The following DMD variants were observed in gnomAD, a reference collection of about 807,000 sequenced individuals.
The protein encoded by DMD is mutant dystrophin.
Under a neutral mutation model 330.1 loss-of-function variants are expected in DMD, and 63 were observed. That is an observed-to-expected ratio of 0.19 (90% CI 0.16 to 0.24). DMD has a LOEUF of 0.24. DMD is among the 10% of genes least tolerant of loss of function. DMD has a pLI of 1.00. For synonymous variants in DMD, 1,223 were observed against 959.8 expected, an observed-to-expected ratio of 1.27 and a Z score of -5.07; for missense variants, 3,344 against 2,684.1, an observed-to-expected ratio of 1.25 and a Z score of -5.43.
At position 33,046,501 on chromosome X, in the gene DMD, A is replaced by G. The variant is rs1044823437; in HGVS notation, c.32-26301T>C. On this transcript the variant is annotated intron_variant, in intron 1 of 78. Transcript: ENST00000357033. ...TAGTCCATAACAGGTTTCAAATCTTATAACAACTATTAATACTATCAACAT... is the reference window on the plus strand; with the variant it reads ...TAGTCCATAACAGGTTTCAAATCTTGTAACAACTATTAATACTATCAACAT... Among the ~76,000 whole-genome samples, 11 of 112,015 alleles carry G rather than the reference A, an allele frequency of 9.8e-5. No individual in the cohort carries two copies. The East Asian group carries it at 1.1e-3, about 11-fold the overall frequency.
Position 32,573,814 on chromosome X carries a change from T to C in DMD, c.1635A>G (p.Arg545=), listed in dbSNP as rs5927083. Residue 545 remains arginine (R), a synonymous_variant, in exon 14 of 79, where the codon AGA becomes AGG. Coordinates refer to ENST00000357033, the MANE Select transcript of DMD (RefSeq NM_004006.3). ...VLGDRWANIC[R]WTEDRWVLLQ... ...AAAGAACCCAGCGGTCTTCTGTCCA[T>C]CTACAGATGTTTGCCCATCGATCTC... is the stretch of plus-strand genomic sequence containing the variant. 0.12 allele frequency: 146,750 copies of C among 1,208,966 alleles called. 6,324 individuals carry two copies. Among genetic ancestry groups the C allele is most frequent in the Middle Eastern group, 0.18 (764 of 4,354 alleles).
In DMD at chrX:32,362,909, C is replaced by A. The variant is rs757412063; in HGVS notation, c.5204G>T (p.Arg1735Leu). 3.3e-6 allele frequency: 4 copies of A among 1,208,795 alleles called. No individual in the cohort carries two copies. In the East Asian group the frequency reaches 8.9e-5, roughly 27 times the overall value. ...TGCCATCAAGTTTGCTGCTTGGTCA[C>A]GTGTAGAGTCCACCTTTGGGCGTAT... Reference protein sequence around the residue: ...NDIRPKVDSTRDQAANLMANR... With the variant: ...NDIRPKVDSTLDQAANLMANR... Residue 1735 changes from arginine to leucine, a missense_variant, in exon 37 of 79, where the codon CGT becomes CTT. Transcript: ENST00000357033.
intron 48 of DMD, among the ~76,000 whole-genome samples, chrX:31,857,477 G>C (rs1603501804): frequency 9.7e-6 from 1 of 103,111 alleles, no homozygotes; most frequent in Non-Finnish European, 2.0e-5. Flanking sequence ...ATTTTAAGCT[G>C]TTTAATGTTC....
intron 43 of DMD, among the ~76,000 whole-genome samples, chrX:32,277,104 G>A (rs2097393071): frequency 9.0e-6 from 1 of 111,629 alleles, no homozygotes; most frequent in Non-Finnish European, 1.9e-5. Context: ...GATATTCCAT[G>A]CCAATGGAAA....
intron 7 of DMD, among the ~76,000 whole-genome samples, chrX:32,715,823 T>C (rs2065662770): frequency 9.0e-6 from 1 of 110,810 alleles, no homozygotes; most frequent in Non-Finnish European, 1.9e-5. Flanking sequence ...GATCTTCTTA[T>C]TTGCCACAGG....
At chrX:33,029,223 C>G (rs111379175) in intron 1 of DMD, among the ~76,000 whole-genome samples, 2,366 of 111,729 alleles carry the variant, frequency 0.021, 35 homozygotes, top group East Asian at 0.097. Flanking sequence ...AGACATAAAA[C>G]TAACTTTCAA....
chrX:32,828,760 TAAG>T (rs1254539469), intron 4 of DMD, among the ~76,000 whole-genome samples: 1 of 111,134 alleles, frequency 9.0e-6, no homozygotes, highest in Non-Finnish European at 1.9e-5. Context: ...CCAGAATGTA[TAAG>T]AATAGGCTCT....
At chrX:32,802,391 G>A (rs1244746002) in intron 7 of DMD, among the ~76,000 whole-genome samples, 1 of 111,828 alleles carries the variant, frequency 8.9e-6, no homozygotes, top group Non-Finnish European at 1.9e-5. Context: ...TCAGCTTAAG[G>A]AGATTTTCGG....
chrX:32,576,986 G>A (rs1381768105), intron 13 of DMD, among the ~76,000 whole-genome samples: 2 of 111,525 alleles, frequency 1.8e-5, no homozygotes, highest in Middle Eastern at 4.7e-3. Flanking sequence ...AAGAGAAGAT[G>A]TTACAGGCTC....
intron 11 of DMD, among the ~76,000 whole-genome samples, chrX:32,636,509 G>A (rs1242456799): frequency 1.8e-5 from 2 of 111,910 alleles, no homozygotes; most frequent in Non-Finnish European, 3.8e-5. Flanking sequence ...TGAGAAAATC[G>A]AAAATGTGTC....
In DMD at chrX:32,573,593, G is replaced by A. The variant is rs775846754; in HGVS notation, c.1749C>T (p.Asn583=). Reference sequence around the variant, plus strand: ...CTTTAAAGCCAGTTGTGTGAATCTTGTTCACTGCATCTTCTTTTTCTGAAA... The same window carrying A: ...CTTTAAAGCCAGTTGTGTGAATCTTATTCACTGCATCTTCTTTTTCTGAAA... ...AWLSEKEDAV[N]KIHTTGFKDQ... is the part of the protein sequence containing the mutation. Residue 583 remains asparagine (N), a synonymous_variant, in exon 15 of 79, where the codon AAC becomes AAT. Coordinates refer to ENST00000357033, the MANE Select transcript of DMD (RefSeq NM_004006.3). The A allele has an allele frequency of 8.3e-7, 1 of 1,210,115 alleles. No homozygotes were observed. Among genetic ancestry groups the A allele is most frequent in the African/African-American group, 1.7e-5 (1 of 57,312 alleles).
intron 51 of DMD, among the ~76,000 whole-genome samples, chrX:31,734,715 C>T (rs772951304): frequency 2.7e-5 from 3 of 110,543 alleles, no homozygotes; most frequent in Non-Finnish European, 5.7e-5. Context: ...AGAAAACAAA[C>T]GAGTAGTGAT....
At chrX:31,180,179 A>G (rs1420877989) in intron 69 of DMD, among the ~76,000 whole-genome samples, 191 bp downstream of exon 69, 1 of 111,775 alleles carries the variant, frequency 8.9e-6, no homozygotes, top group Non-Finnish European at 1.9e-5. Flanking sequence ...ATCATGTTCC[A>G]TATGTGCCAG....
At chrX:31,433,986 A>T (rs1259057230) in intron 60 of DMD, among the ~76,000 whole-genome samples, 2 of 111,964 alleles carry the variant, frequency 1.8e-5, no homozygotes, top group Non-Finnish European at 3.8e-5. Flanking sequence ...TATGAAAGAC[A>T]CTGCCAAATG....
chrX:31,313,166 TAA>T (rs755202886), intron 62 of DMD, among the ~76,000 whole-genome samples: 4 of 97,284 alleles, frequency 4.1e-5, no homozygotes, highest in African/African-American at 3.7e-5. Context: ...TTTTAAAAAT[TAA>T]AAAAAAAAAA....
At chrX:32,351,836 A>G (rs2097782719) in intron 37 of DMD, among the ~76,000 whole-genome samples, 2 of 110,376 alleles carry the variant, frequency 1.8e-5, no homozygotes, top group African/African-American at 6.5e-5. Context: ...TGATACCACC[A>G]GGTAAACACA....
intron 7 of DMD, among the ~76,000 whole-genome samples, chrX:32,795,035 T>C (rs1397510756): frequency 8.9e-6 from 1 of 112,201 alleles, no homozygotes; most frequent in African/African-American, 3.2e-5. Flanking sequence ...AGTCATCCCA[T>C]GTTTATCGGT....
intron 60 of DMD, among the ~76,000 whole-genome samples, chrX:31,440,401 A>G (rs1045812715): frequency 1.8e-5 from 2 of 110,589 alleles, no homozygotes; most frequent in African/African-American, 6.6e-5. Flanking sequence ...CACCCGCCTC[A>G]CCCTCCCAAA....
intron 1 of DMD, among the ~76,000 whole-genome samples, chrX:33,164,780 G>T (rs1194787380): frequency 9.0e-6 from 1 of 110,821 alleles, no homozygotes. Flanking sequence ...CTTCTCCTGG[G>T]CTGATCTATT....
Sources: allele counts gnomAD v4.1 joint callset (sites outside exome capture counted in the v4.1 genomes callset), GRCh38; gene constraint gnomAD v4.1.1; transcripts MANE v1.5; gene names NCBI Gene and HGNC (gene_info 2026-07-23, HGNC 2026-07-21).